The following CEP76 variants were observed in gnomAD, a reference collection of about 807,000 sequenced individuals.
CEP76 encodes the protein centrosomal protein 76.
A neutral mutation model predicts 83.3 loss-of-function variants in CEP76; 55 were observed. The observed-to-expected ratio is 0.66, with a 90% confidence interval of 0.53 to 0.83. The LOEUF is 0.83. Among genes scored for constraint, CEP76 ranks in the 40% least tolerant of loss-of-function variants. CEP76 has a pLI of 0.00. For missense variants in CEP76, 694 were observed against 799.5 expected, an observed-to-expected ratio of 0.87 and a Z score of 1.59; for synonymous variants, 270 against 274.5, an observed-to-expected ratio of 0.98 and a Z score of 0.16.
intron 9 of CEP76, 57 bp downstream of exon 9, chr18:12,680,596 CAAAAAAAAA>C (rs34861312): frequency 2.7e-6 from 2 of 752,954 alleles, no homozygotes; most frequent in Non-Finnish European, 3.6e-6. Flanking sequence ...GACTCCATCT[CAAAAAAAAA>C]AAAAAAAAAA....
intron 5 of CEP76, 65 bp from the exon 6 acceptor site, chr18:12,695,416 C>A (rs34277169): frequency 0.27 from 184,911 of 679,638 alleles, 27,491 homozygotes; most frequent in Non-Finnish European, 0.31. Flanking sequence ...CAACCAAAGT[C>A]TAACCAAAAT....
At chr18:12,701,215 T>C (rs2040138840) in intron 1 of CEP76, 102 bp from the exon 2 acceptor site, 2 of 778,262 alleles carry the variant, frequency 2.6e-6, no homozygotes, top group Non-Finnish European at 4.2e-6. Flanking sequence ...GCACAATTGT[T>C]ACCACAATTG....
chr18:12,680,894 C>T (rs1232847737), intron 8 of CEP76, 66 bp from the exon 9 acceptor site: 3 of 1,372,586 alleles, frequency 2.2e-6, no homozygotes, highest in Middle Eastern at 1.9e-4. Context: ...TACTTAAATA[C>T]TAAATTATAA....
chr18:12,665,240 G>A (rs2038780218), intron 12 of CEP76: 2 of 152,166 alleles, frequency 1.3e-5, no homozygotes, highest in Non-Finnish European at 2.9e-5. Context: ...GGTCTTTTAA[G>A]TTTTGCCTTA....
chr18:12,684,443 GAC>G (rs1240384836), intron 8 of CEP76: 1 of 150,814 alleles, frequency 6.6e-6, no homozygotes, highest in Non-Finnish European at 1.5e-5. Context: ...TTTTTTTTGA[GAC>G]AGAGTCTCGC....
chr18:12,669,775 T>C (rs1201951246), downstream of CEP76, among the ~76,000 whole-genome samples: 3 of 151,592 alleles, frequency 2.0e-5, no homozygotes, highest in Non-Finnish European at 2.9e-5. Context: ...CCAAGGCGGG[T>C]GGATCACCTG....
chr18:12,674,416 T>C (rs1215713153), intron 11 of CEP76, 120 bp downstream of exon 11: 3 of 688,402 alleles, frequency 4.4e-6, no homozygotes, highest in Non-Finnish European at 4.7e-6. Context: ...TACTCCAGCA[T>C]GGGCAGCAGA....
chr18:12,686,941 A>C (rs1211715220), intron 7 of CEP76, among the ~76,000 whole-genome samples: 1 of 152,228 alleles, frequency 6.6e-6, no homozygotes, highest in East Asian at 1.9e-4. Flanking sequence ...ACAGGAAACA[A>C]TAATTTGTTA....
intron 9 of CEP76, 38 bp from the exon 10 acceptor site, chr18:12,678,480 AAATT>A (rs1475446086): frequency 7.1e-7 from 1 of 1,406,428 alleles, no homozygotes; most frequent in East Asian, 2.5e-5. Flanking sequence ...GAGAACTTAA[AAATT>A]AAAAAGGCAG....
intron 12 of CEP76, among the ~76,000 whole-genome samples, chr18:12,666,864 A>G (rs2038814830): frequency 6.6e-6 from 1 of 152,190 alleles, no homozygotes; most frequent in African/African-American, 2.4e-5. Flanking sequence ...GAAGATTCCA[A>G]TTTAACATCT....
At chr18:12,668,678 A>T (rs1187186395), downstream of CEP76, among the ~76,000 whole-genome samples, 1 of 144,104 alleles carries the variant, frequency 6.9e-6, no homozygotes, top group Non-Finnish European at 1.5e-5. Flanking sequence ...TTCAGACTGG[A>T]TTAAAAAAAG....
downstream of CEP76, among the ~76,000 whole-genome samples, chr18:12,669,355 G>A (rs574792925): frequency 9.9e-4 from 150 of 151,870 alleles, no homozygotes; most frequent in Middle Eastern, 6.8e-3. Context: ...CAGGTGATCC[G>A]CCCGCCTTGG....
intron 9 of CEP76, among the ~76,000 whole-genome samples, chr18:12,679,743 T>G (rs893502579): frequency 1.3e-5 from 2 of 152,172 alleles, no homozygotes; most frequent in African/African-American, 4.8e-5. Context: ...GAACTTATTT[T>G]CAGACTTAGG....
chr18:12,686,270 T>C lies in CEP76; in HGVS notation c.1114A>G (p.Arg372Gly). Residue 372 changes from arginine to glycine, a missense_variant, in exon 8 of 12, where the codon AGA becomes GGA. Transcript: ENST00000262127. The stretch of plus-strand genomic sequence containing the variant: ...TTATGTGTGTATAATACCTTGTTTC[T>C]ACAGAGAAAGGCCAGCAGAGTGCAC... The part of the protein sequence containing the change: ...QWCTLLAFLC[R>G]NKGDCEDHAN... 1 of 1,613,122 alleles carries C rather than the reference T, an allele frequency of 6.2e-7. No homozygotes were observed. Among genetic ancestry groups the C allele is most frequent in the Non-Finnish European group, 8.5e-7 (1 of 1,179,410 alleles).
intron 7 of CEP76, 56 bp from the exon 8 acceptor site, chr18:12,686,506 T>A: frequency 8.1e-7 from 1 of 1,230,852 alleles, no homozygotes; most frequent in Non-Finnish European, 1.2e-6. Context: ...CCAATTATGT[T>A]TTTTTCAAAT....
At chr18:12,683,755 T>TAA (rs1050925264) in intron 8 of CEP76, among the ~76,000 whole-genome samples, 1 of 146,914 alleles carries the variant, frequency 6.8e-6, no homozygotes, top group Non-Finnish European at 1.5e-5. Context: ...CTGTCTCATT[T>TAA]AAAAAAAAAA....
chr18:12,699,122 T>C lies in CEP76; in HGVS notation c.377A>G (p.Glu126Gly), dbSNP rs748053396. The part of the protein sequence containing the change: ...KAFLEHLQEP[E>G]PLPGQVCSTF... ...TGAACAAACTTGTCCAGGTAAAGGC[T>C]CAGGTTCTTGCAGATGTTCCAAGAA... The change falls in exon 4 of 12, where the codon GAG becomes GGG. Residue 126 changes from glutamate to glycine, a missense_variant. Coordinates refer to ENST00000262127, the MANE Select transcript of CEP76 (RefSeq NM_024899.4). The C allele has an allele frequency of 3.1e-6, 5 of 1,614,118 alleles. No individual in the cohort carries two copies. The Admixed American group carries it at 8.3e-5, about 27-fold the overall frequency.
downstream of CEP76, among the ~76,000 whole-genome samples, chr18:12,671,982 G>A (rs1234213611): frequency 1.3e-5 from 2 of 151,596 alleles, no homozygotes; most frequent in African/African-American, 4.9e-5. Context: ...ACCATGCCCA[G>A]CTAATTTTTG....
At chr18:12,671,642 C>CTTTTT (rs869130220), downstream of CEP76, among the ~76,000 whole-genome samples, 971 of 55,586 alleles carry the variant, frequency 0.017, 4 homozygotes, top group Non-Finnish European at 0.021. Context: ...TTCACACTTT[C>CTTTTT]TTTTTTTTTT....
Sources: gnomAD v4.1 joint callset for allele counts (sites outside exome capture counted in the v4.1 genomes callset) on GRCh38, gnomAD v4.1.1 for gene constraint, MANE v1.5 for transcripts, NCBI Gene and HGNC (gene_info 2026-07-23, HGNC 2026-07-21) for gene names.